ZMYM2: variants seen among roughly 807,000 people sequenced by gnomAD.
ZMYM2 encodes the protein zinc finger MYM-type containing 2, also known as zinc finger MYM-type protein 2.
Under a neutral mutation model 162.8 loss-of-function variants are expected in ZMYM2, and 56 were observed. The ratio of observed to expected loss-of-function variants is 0.34; its 90% CI spans 0.28 to 0.43. The LOEUF (loss-of-function observed/expected upper bound fraction) is 0.43, where lower values mean the gene tolerates loss of function less well. Among genes scored for constraint, ZMYM2 ranks in the 20% least tolerant of loss-of-function variants. ZMYM2 has a pLI of 1.00. For missense variants in ZMYM2, 1,275 were observed against 1,621.8 expected, an observed-to-expected ratio of 0.79 and a Z score of 3.67; for synonymous variants, 510 against 541.6, an observed-to-expected ratio of 0.94 and a Z score of 0.81.
At chr13:20,051,625 G>C (rs781539508) in intron 13 of ZMYM2, 27 bp downstream of exon 13, 3 of 1,594,022 alleles carry the variant, frequency 1.9e-6, no homozygotes, top group Non-Finnish European at 8.5e-7. Flanking sequence ...GTGATAACTT[G>C]AAAACCCTGT....
chr13:19,874,026 T>G, the ZMYM2 span, among the ~76,000 whole-genome samples: 3 of 152,156 alleles, frequency 2.0e-5, no homozygotes, highest in South Asian at 2.1e-4. Flanking sequence ...TCTTGGTTTT[T>G]GGGTGGAGAG....
intron 14 of ZMYM2, among the ~76,000 whole-genome samples, chr13:20,055,408 C>G (rs1275713341): frequency 6.6e-6 from 1 of 152,148 alleles, no homozygotes; most frequent in Non-Finnish European, 1.5e-5. Flanking sequence ...AGCTCTCATA[C>G]TGTAAACAAG....
At chr13:19,872,438 T>G in the ZMYM2 span, among the ~76,000 whole-genome samples, 1 of 151,862 alleles carries the variant, frequency 6.6e-6, no homozygotes, top group Non-Finnish European at 1.5e-5. Flanking sequence ...TAATCCTAGG[T>G]ACTTGGGAGG....
At chr13:19,905,569 GC>G in the ZMYM2 span, among the ~76,000 whole-genome samples, 50 of 152,270 alleles carry the variant, frequency 3.3e-4, no homozygotes, top group South Asian at 5.0e-3. Context: ...AGGAGAGACA[GC>G]CCTTGTGCCC....
At chr13:20,027,344 A>G in intron 9 of ZMYM2, 26 bp downstream of exon 9, 1 of 1,482,226 alleles carries the variant, frequency 6.7e-7, no homozygotes, top group Non-Finnish European at 9.2e-7. Context: ...TGCATAACCC[A>G]TGCCCCCAAT....
intron 6 of ZMYM2, among the ~76,000 whole-genome samples, chr13:20,015,903 A>G (rs748910134): frequency 3.3e-5 from 5 of 152,078 alleles, no homozygotes; most frequent in Non-Finnish European, 7.4e-5. Flanking sequence ...CAGTAATTAC[A>G]TTAAATGTAC....
the ZMYM2 span, among the ~76,000 whole-genome samples, chr13:19,918,161 T>A: frequency 6.6e-6 from 1 of 152,300 alleles, no homozygotes; most frequent in Admixed American, 6.5e-5. Context: ...AACCTTTTTA[T>A]TGGCCGCATG....
At chr13:20,066,255 A>T (rs1956667478) in intron 19 of ZMYM2, among the ~76,000 whole-genome samples, 1 of 152,216 alleles carries the variant, frequency 6.6e-6, no homozygotes, top group South Asian at 2.1e-4. Flanking sequence ...TGACCGTTGT[A>T]CAATGCAGTG....
intron 7 of ZMYM2, among the ~76,000 whole-genome samples, chr13:20,022,715 T>A (rs1283319897): frequency 1.3e-5 from 2 of 152,184 alleles, no homozygotes; most frequent in African/African-American, 2.4e-5. Context: ...ATTTCCAGGT[T>A]TTATTGAATA....
chr13:19,999,620 A>G (rs1308230758), intron 3 of ZMYM2, among the ~76,000 whole-genome samples: 2 of 152,160 alleles, frequency 1.3e-5, no homozygotes, highest in East Asian at 1.9e-4. Context: ...AAAACCTTAC[A>G]TTTCTTGCTT....
In ZMYM2 at chr13:20,031,365, G is replaced by A. The variant is rs372402171; in HGVS notation, c.1898G>A (p.Ser633Asn). ...SSPNGQFVAP[S>N]DIQLKCNYCK... The stretch of plus-strand genomic sequence containing the variant: ...CCAAATGGCCAGTTTGTAGCGCCAA[G>A]TGATATTCAGTTGAAATGCAACTAC... The change falls in exon 10 of 25, where the codon AGT (serine) becomes AAT (asparagine). Residue 633 changes from serine (S) to asparagine (N), a missense_variant. Ser to Asn is a conservative substitution (Grantham distance 46). Around this residue, in one of 10 missense-constraint regions of ZMYM2, gnomAD observed 276 missense variants for 311.8 expected, o/e 0.89. Transcript: ENST00000610343. 1.9e-6 allele frequency: 3 copies of A among 1,608,162 alleles called. No homozygotes were observed. The highest frequency in any genetic ancestry group is 2.5e-6 in the Non-Finnish European group (3 of 1,178,560).
chr13:20,065,183 T>G (rs992141431), intron 19 of ZMYM2, among the ~76,000 whole-genome samples: 4 of 151,862 alleles, frequency 2.6e-5, no homozygotes, highest in Non-Finnish European at 4.4e-5. Context: ...AAAAATACCT[T>G]AAGAAAGATA....
chr13:19,986,100 G>C (rs1041406361), intron 2 of ZMYM2, among the ~76,000 whole-genome samples: 3 of 151,836 alleles, frequency 2.0e-5, no homozygotes, highest in Non-Finnish European at 4.4e-5. Flanking sequence ...GAGACAGGAG[G>C]ATCCGTTGAG....
intron 21 of ZMYM2, among the ~76,000 whole-genome samples, chr13:20,071,259 C>G (rs1383949450): frequency 6.6e-6 from 1 of 152,120 alleles, no homozygotes; most frequent in Non-Finnish European, 1.5e-5. Context: ...TTTTTTAGTA[C>G]AAGTCTTTGT....
the ZMYM2 span, among the ~76,000 whole-genome samples, chr13:19,874,274 C>CAGTA: frequency 3.7e-4 from 57 of 152,240 alleles, no homozygotes; most frequent in African/African-American, 1.3e-3. Flanking sequence ...GGCTGGAGTG[C>CAGTA]AGTAGCGTGA....
chr13:19,872,528 C>CTG, the ZMYM2 span, among the ~76,000 whole-genome samples: 1 of 151,362 alleles, frequency 6.6e-6, no homozygotes, highest in South Asian at 2.1e-4. Context: ...CCAGGCTGGG[C>CTG]AACAGAGTGA....
chr13:20,072,626 G>A (rs529207931), intron 21 of ZMYM2, among the ~76,000 whole-genome samples: 1 of 152,282 alleles, frequency 6.6e-6, no homozygotes, highest in South Asian at 2.1e-4. Context: ...CCTTAAATAT[G>A]CAATAGAATT....
the ZMYM2 span, among the ~76,000 whole-genome samples, chr13:19,945,179 T>G: frequency 1.9e-3 from 285 of 152,248 alleles, 1 homozygote; most frequent in African/African-American, 6.6e-3. Flanking sequence ...TTTCCAAGTT[T>G]GTTGAAAAAG....
At chr13:20,083,372 T>C (rs954601591) in intron 23 of ZMYM2, among the ~76,000 whole-genome samples, 5 of 152,174 alleles carry the variant, frequency 3.3e-5, no homozygotes, top group Non-Finnish European at 4.4e-5. Flanking sequence ...CAGATTTCTA[T>C]TTTGGGATTG....
Sources: allele counts gnomAD v4.1 joint callset (sites outside exome capture counted in the v4.1 genomes callset), GRCh38; gene constraint gnomAD v4.1.1; regional missense constraint gnomAD v4.1.1; transcripts MANE v1.5; gene names NCBI Gene and HGNC (gene_info 2026-07-23, HGNC 2026-07-21).